MTHFD1L: variants seen among roughly 807,000 people sequenced by gnomAD.
MTHFD1L encodes monofunctional C1-tetrahydrofolate synthase, mitochondrial.
Under a neutral mutation model 119.5 loss-of-function variants are expected in MTHFD1L, and 81 were observed. The ratio of observed to expected loss-of-function variants is 0.68; its 90% CI spans 0.57 to 0.82. The LOEUF (loss-of-function observed/expected upper bound fraction) is 0.82, where lower values mean the gene tolerates loss of function less well. Among genes scored for constraint, MTHFD1L ranks in the 40% least tolerant of loss-of-function variants. The pLI, the probability that MTHFD1L is intolerant of heterozygous loss-of-function variation, is 0.00. For synonymous variants in MTHFD1L, 430 were observed against 475.2 expected (o/e 0.90, Z 1.24); for missense variants, 1,125 against 1,253.4 (o/e 0.90, Z 1.55).
At chr6:151,066,715 A>G (rs961154214) in intron 26 of MTHFD1L, among the ~76,000 whole-genome samples, 6 of 151,532 alleles carry the variant, frequency 4.0e-5, no homozygotes, top group Admixed American at 6.6e-5. Context: ...CAGTGAGCCA[A>G]GATTGCGCCA....
At chr6:151,018,418 G>A (rs1197485059) in intron 24 of MTHFD1L, among the ~76,000 whole-genome samples, 1 of 152,172 alleles carries the variant, frequency 6.6e-6, no homozygotes, top group African/African-American at 2.4e-5. Context: ...TTAAGGAGTT[G>A]TTTGTGAGCT....
chr6:150,936,954 C>A lies in MTHFD1L; in HGVS notation c.1393+14C>A, dbSNP rs1289421250. On this transcript the variant is annotated intron_variant, in intron 12 of 27. Coordinates refer to ENST00000367321, the MANE Select transcript of MTHFD1L (RefSeq NM_015440.5). ...TTGGAGTGAAAGGTACTGTCTTTAA[C>A]AACTAGTGTACTTTTCAGGGCAAAG... The A allele has an allele frequency of 2.4e-5, 39 of 1,612,348 alleles. No individual in the cohort carries two copies. The highest frequency in any genetic ancestry group is 2.9e-5 in the Non-Finnish European group (34 of 1,178,696).
chr6:151,068,396 T>C (rs1287925341), intron 26 of MTHFD1L, among the ~76,000 whole-genome samples: 9 of 152,216 alleles, frequency 5.9e-5, no homozygotes, highest in Admixed American at 2.0e-4. Flanking sequence ...TTTTTCACTT[T>C]TTGTTCTTGG....
At chr6:150,925,657 A>G (rs1448134436) in intron 10 of MTHFD1L, among the ~76,000 whole-genome samples, 1 of 151,930 alleles carries the variant, frequency 6.6e-6, no homozygotes, top group Non-Finnish European at 1.5e-5. Flanking sequence ...TTTTTTTTGT[A>G]CTTAATCTCT....
chr6:150,889,364 T>C (rs147862386), intron 7 of MTHFD1L, among the ~76,000 whole-genome samples: 7 of 152,106 alleles, frequency 4.6e-5, no homozygotes, highest in Non-Finnish European at 8.8e-5. Flanking sequence ...ATTTAAGAGG[T>C]TGGCGTTGGA....
intron 26 of MTHFD1L, among the ~76,000 whole-genome samples, chr6:151,041,224 A>T (rs1262739765): frequency 1.3e-5 from 2 of 152,232 alleles, no homozygotes; most frequent in South Asian, 4.1e-4. Context: ...AGGAAGCTGC[A>T]TGTGTAGTGG....
intron 20 of MTHFD1L, among the ~76,000 whole-genome samples, chr6:150,989,344 C>T (rs571486751): frequency 1.1e-4 from 16 of 152,172 alleles, no homozygotes; most frequent in Non-Finnish European, 1.6e-4. Context: ...ACCCTGAAGA[C>T]GCATCCAGTA....
At position 151,047,893 on chromosome 6, in the gene MTHFD1L, C is replaced by T. The variant is rs183575414; in HGVS notation, c.2847+10776C>T. On this transcript the variant is annotated intron_variant, in intron 26 of 27. Transcript: ENST00000367321. ...AATTGACTCAGTTTTACAGGCTATA[C>T]GGGAAGCATGGCTGGGGAGGCCTCA... Among the ~76,000 whole-genome samples, 105 of 152,164 alleles carry T rather than the reference C, an allele frequency of 6.9e-4. 1 individual carries two copies. The highest frequency in any genetic ancestry group is 2.9e-3 in the South Asian group (14 of 4,816).
At chr6:151,053,586 G>A (rs558558177) in intron 26 of MTHFD1L, among the ~76,000 whole-genome samples, 60 of 152,226 alleles carry the variant, frequency 3.9e-4, no homozygotes, top group Non-Finnish European at 6.3e-4. Flanking sequence ...CTGGCCAGGC[G>A]CAGTGGCTCA....
Position 151,058,432 on chromosome 6 carries a change from A to G in MTHFD1L, c.2847+21315A>G, listed in dbSNP as rs186082866. Reference sequence around the variant, plus strand: ...AAAGCTGTGGGTACACTGTACAGAAATGTGTTTTGCTTGCTTTGAAGGATG... The same window carrying G: ...AAAGCTGTGGGTACACTGTACAGAAGTGTGTTTTGCTTGCTTTGAAGGATG... On this transcript the variant is annotated intron_variant, in intron 26 of 27. Coordinates refer to ENST00000367321, the MANE Select transcript of MTHFD1L (RefSeq NM_015440.5). 9.8e-5 allele frequency among the ~76,000 whole-genome samples: 15 copies of G among 152,336 alleles called. No individual in the cohort carries two copies. In the East Asian group the frequency reaches 2.3e-3, roughly 23 times the overall value.
At chr6:151,015,387 T>A in intron 23 of MTHFD1L, 129 bp from the exon 24 acceptor site, 1 of 1,044,056 alleles carries the variant, frequency 9.6e-7, no homozygotes, top group Non-Finnish European at 1.4e-6. Context: ...TTAAACACGA[T>A]GTGACCACTT....
At chr6:150,866,436 G>A in intron 1 of MTHFD1L, 1 of 1,341,716 alleles carries the variant, frequency 7.5e-7, no homozygotes, top group Non-Finnish European at 9.5e-7. Flanking sequence ...GGGGCGAGGA[G>A]CAGGAGGAGG....
intron 21 of MTHFD1L, 97 bp downstream of exon 21, chr6:151,010,055 G>A (rs1209918657): frequency 1.5e-6 from 2 of 1,369,534 alleles, no homozygotes; most frequent in African/African-American, 1.5e-5. Flanking sequence ...AATGACTATA[G>A]TTTTCTAGAG....
chr6:150,909,619 A>G lies in MTHFD1L; in HGVS notation c.892+3858A>G, dbSNP rs561045497. On this transcript the variant is annotated intron_variant, in intron 8 of 27. Transcript: ENST00000367321. ...TGCTTGCTAAACAGCAGATTTCATC[A>G]TAAGCAAAATCATTTTGTACCCTAA... Among the ~76,000 whole-genome samples, 16 of 152,364 alleles carry G rather than the reference A, an allele frequency of 1.1e-4. No individual in the cohort carries two copies. In the East Asian group the frequency reaches 2.3e-3, roughly 22 times the overall value.
chr6:151,079,536 C>A (rs976971417), intron 26 of MTHFD1L, among the ~76,000 whole-genome samples: 2 of 152,048 alleles, frequency 1.3e-5, no homozygotes, highest in African/African-American at 4.8e-5. Flanking sequence ...CGGCTCACAG[C>A]TGGAGTGCGA....
At chr6:150,992,790 C>T (rs1285630354) in intron 20 of MTHFD1L, among the ~76,000 whole-genome samples, 4 of 152,136 alleles carry the variant, frequency 2.6e-5, no homozygotes, top group Non-Finnish European at 4.4e-5. Context: ...GGTAGGGATG[C>T]GGGCAGTTGG....
chr6:150,899,606 G>A (rs1784795900), intron 7 of MTHFD1L, among the ~76,000 whole-genome samples: 1 of 152,146 alleles, frequency 6.6e-6, no homozygotes, highest in Non-Finnish European at 1.5e-5. Flanking sequence ...CAGATTCATA[G>A]CTACAAAGCA....
In MTHFD1L at chr6:150,949,649, C is replaced by T. The variant is rs141492036; in HGVS notation, c.1726+516C>T. On this transcript the variant is annotated intron_variant, in intron 16 of 27. Transcript: ENST00000367321. ...ATCGCTCCACTGCTTCACATGCATC[C>T]AGGTGGAGTCCCCGTGAGCTCCCCA... 1.5e-3 allele frequency among the ~76,000 whole-genome samples: 234 copies of T among 152,264 alleles called. 1 individual carries two copies. Among genetic ancestry groups the T allele is most frequent in the African/African-American group, 5.5e-3 (228 of 41,536 alleles).
chr6:150,936,707 A>G, intron 11 of MTHFD1L, 97 bp from the exon 12 acceptor site: 1 of 1,422,698 alleles, frequency 7.0e-7, no homozygotes, highest in Non-Finnish European at 9.7e-7. Context: ...TGCATTTTGA[A>G]ATGAGCACCC....
Sources: allele counts gnomAD v4.1 joint callset (sites outside exome capture counted in the v4.1 genomes callset), GRCh38; gene constraint gnomAD v4.1.1; transcripts MANE v1.5; gene names NCBI Gene and HGNC (gene_info 2026-07-23, HGNC 2026-07-21).